Variants in TLN2 observed in about 807,000 individuals in gnomAD.
TLN2 encodes the protein talin 2, also known as talin-2.
A neutral mutation model predicts 294.7 loss-of-function variants in TLN2; 118 were observed. The observed-to-expected ratio is 0.40, with a 90% CI of 0.34 to 0.47. The LOEUF (loss-of-function observed/expected upper bound fraction) is 0.47. Ranked by LOEUF, TLN2 falls within the 20% of genes least tolerant of loss-of-function variation. The pLI is 0.84. For synonymous variants in TLN2, 1,431 were observed against 1,304.5 expected, an observed-to-expected ratio of 1.10 and a Z score of -2.09; for missense variants, 3,083 against 3,282.2, an observed-to-expected ratio of 0.94 and a Z score of 1.48.
chr15:62,641,253 G>GATAGTGGCCGACTCAAGT (rs1204990824), intron 3 of TLN2, among the ~76,000 whole-genome samples: 1 of 152,158 alleles, frequency 6.6e-6, no homozygotes, highest in Non-Finnish European at 1.5e-5. Context: ...TTGTAGCTCA[G>GATAGTGGCCGACTCAAGT]ATAGTGGCCG....
At chr15:62,755,825 T>C (rs564757448) in intron 37 of TLN2, 132 bp downstream of exon 37, 165 of 1,235,608 alleles carry the variant, frequency 1.3e-4, no homozygotes, top group Non-Finnish European at 1.6e-4. Context: ...TTATGGTTTG[T>C]GTCACTGAAT....
At chr15:62,798,420 C>G (rs1013608968) in intron 48 of TLN2, among the ~76,000 whole-genome samples, 1 of 152,148 alleles carries the variant, frequency 6.6e-6, no homozygotes, top group Non-Finnish European at 1.5e-5. Context: ...TGCGGCACAG[C>G]TCTTGGCACA....
chr15:62,514,454 C>CT (rs1303013003), intron 1 of TLN2, among the ~76,000 whole-genome samples: 1 of 152,100 alleles, frequency 6.6e-6, no homozygotes, highest in African/African-American at 2.4e-5. Flanking sequence ...TCTCAAAGGT[C>CT]TTTTATAACC....
intron 12 of TLN2, among the ~76,000 whole-genome samples, chr15:62,689,527 T>A (rs1003674913): frequency 7.9e-5 from 12 of 152,156 alleles, no homozygotes; most frequent in Admixed American, 6.5e-4. Flanking sequence ...CATTTTGTGT[T>A]TGGAGAGCTT....
At chr15:62,840,115 C>G (rs563748281) in intron 58 of TLN2, among the ~76,000 whole-genome samples, 1 of 152,286 alleles carries the variant, frequency 6.6e-6, no homozygotes, top group South Asian at 2.1e-4. Flanking sequence ...ACCTACATTG[C>G]TCAGCTTCAG....
chr15:62,727,046 C>T, intron 27 of TLN2, 41 bp from the exon 28 acceptor site: 1 of 1,600,394 alleles, frequency 6.2e-7, no homozygotes, highest in Non-Finnish European at 8.5e-7. Context: ...GCAGATGTTC[C>T]TTTTCTTCTA....
chr15:62,690,133 T>G (rs1349044493), intron 12 of TLN2: 1 of 142,616 alleles, frequency 7.0e-6, no homozygotes, highest in African/African-American at 2.8e-5. Context: ...ACGGGGCGGC[T>G]GGCCAGGCAG....
intron 1 of TLN2, among the ~76,000 whole-genome samples, chr15:62,537,448 A>G (rs902681849): frequency 7.2e-5 from 11 of 152,208 alleles, no homozygotes; most frequent in African/African-American, 2.7e-4. Context: ...CCAGAAGCCA[A>G]ACCAGTTTAC....
chr15:62,485,535 CG>C (rs1006534216), intron 1 of TLN2, among the ~76,000 whole-genome samples: 23 of 152,216 alleles, frequency 1.5e-4, no homozygotes, highest in Non-Finnish European at 2.8e-4. Context: ...GGCAGAAGTG[CG>C]GGGTGGGGGC....
At chr15:62,749,810 A>G (rs1296845424) in intron 33 of TLN2, among the ~76,000 whole-genome samples, 3 of 152,218 alleles carry the variant, frequency 2.0e-5, no homozygotes, top group Non-Finnish European at 2.9e-5. Context: ...GGTGGCTTAG[A>G]GACACAGAGC....
At chr15:62,550,460 T>C (rs1469739108) in intron 1 of TLN2, among the ~76,000 whole-genome samples, 3 of 152,194 alleles carry the variant, frequency 2.0e-5, no homozygotes, top group Non-Finnish European at 4.4e-5. Context: ...GGAATGCTCT[T>C]GAGTAACTTT....
intron 2 of TLN2, among the ~76,000 whole-genome samples, chr15:62,594,336 TA>T (rs1258506586): frequency 4.6e-5 from 7 of 152,150 alleles, no homozygotes; most frequent in Non-Finnish European, 8.8e-5. Flanking sequence ...GCCTCCTGAG[TA>T]GCTAGTACTA....
At chr15:62,611,656 C>T (rs1428953419) in intron 2 of TLN2, among the ~76,000 whole-genome samples, 1 of 152,176 alleles carries the variant, frequency 6.6e-6, no homozygotes, top group Non-Finnish European at 1.5e-5. Flanking sequence ...CTTCCAGGCC[C>T]TCACTACCCA....
At chr15:62,646,381 C>T (rs903495807) in intron 3 of TLN2, among the ~76,000 whole-genome samples, 1 of 152,102 alleles carries the variant, frequency 6.6e-6, no homozygotes, top group Non-Finnish European at 1.5e-5. Flanking sequence ...CAGGCTGTCT[C>T]GAACTCCTGA....
At chr15:62,763,311 G>T in intron 39 of TLN2, 1 of 327,492 alleles carries the variant, frequency 3.1e-6, no homozygotes. Context: ...CAGTTGCCTG[G>T]TATCAGCCTA....
At chr15:62,488,855 C>T (rs570964535) in intron 1 of TLN2, among the ~76,000 whole-genome samples, 5 of 152,160 alleles carry the variant, frequency 3.3e-5, no homozygotes, top group East Asian at 3.9e-4. Context: ...ATACACATGC[C>T]GTGAATGGTT....
At position 62,692,915 on chromosome 15, in the gene TLN2, G is replaced by GGCTACATTGACA; in HGVS notation, c.1190_1201dup (p.Asp400_Ile401insSerTyrIleAsp). 1 of 1,612,796 alleles carries GGCTACATTGACA rather than the reference G, an allele frequency of 6.2e-7. No individual in the cohort carries two copies. The highest frequency in any genetic ancestry group is 8.5e-7 in the Non-Finnish European group (1 of 1,179,470). ...AGAGCAGATATCCCAGCTGATTGCA[G>GGCTACATTGACA]GCTACATTGACATCATCCTGAAAAA... On this transcript the variant is annotated inframe_insertion, in exon 13 of 59. Coordinates refer to ENST00000636159, the MANE Select transcript of TLN2 (RefSeq NM_015059.3).
At chr15:62,839,256 G>C (rs565473990) in intron 58 of TLN2, among the ~76,000 whole-genome samples, 3 of 152,204 alleles carry the variant, frequency 2.0e-5, no homozygotes, top group African/African-American at 7.2e-5. Context: ...GGCCATGACC[G>C]TAAGCTGCAG....
intron 54 of TLN2, chr15:62,830,019 A>ATTGT (rs2068633553): frequency 6.6e-6 from 1 of 152,146 alleles, no homozygotes; most frequent in South Asian, 2.1e-4. Flanking sequence ...GTTTAATGAA[A>ATTGT]TTGTTTTCTA....
Sources: allele counts gnomAD v4.1 joint callset (sites outside exome capture counted in the v4.1 genomes callset), GRCh38; gene constraint gnomAD v4.1.1; transcripts MANE v1.5; gene names NCBI Gene and HGNC (gene_info 2026-07-23, HGNC 2026-07-21).